Variants in CACNG2 observed in about 807,000 individuals in gnomAD.
CACNG2 encodes the protein calcium voltage-gated channel auxiliary subunit gamma 2.
Under a neutral mutation model 25.9 loss-of-function variants are expected in CACNG2, and 3 were observed. That is an observed-to-expected ratio of 0.12 (90% CI 0.05 to 0.30). CACNG2 has a LOEUF of 0.30. CACNG2 is among the 10% of genes least tolerant of loss of function. The probability of loss-of-function intolerance (pLI) is 1.00; values close to 1 mark genes in which losing one functional copy is unlikely to be tolerated. For missense variants in CACNG2, 341 were observed against 432.5 expected (o/e 0.79, Z 1.88); for synonymous variants, 167 against 173.3 (o/e 0.96, Z 0.29).
At chr22:36,621,935 T>C (rs2267357) in intron 1 of CACNG2, among the ~76,000 whole-genome samples, 13,339 of 152,274 alleles carry the variant, frequency 0.088, 805 homozygotes, top group East Asian at 0.23. Flanking sequence ...TGTTGGTTCA[T>C]GTATCTGCCA....
Position 36,564,682 on chromosome 22 carries a change from G to A in CACNG2, c.641C>T (p.Ala214Val), listed in dbSNP as rs1481852447. Residue 214 changes from alanine to valine, a missense_variant, in exon 4 of 4, where the codon GCC becomes GTC. Ala to Val is a moderately conservative substitution (Grantham distance 64). Around this residue, in one of 2 missense-constraint regions of CACNG2, gnomAD observed 172 missense variants for 178.1 expected, o/e 0.97. Coordinates refer to ENST00000300105, the MANE Select transcript of CACNG2 (RefSeq NM_006078.5). This position sits in a 1 kb window ranked among gnomAD's most constrained non-coding sequence, Gnocchi z 6.7. ...GGCAGAGGCCTGGAGGTAGTCCGTG[G>A]CGCGGGCCGTGGCCCGCAGCTGTTT... ...RHKQLRATAR[A>V]TDYLQASAIT... The A allele has an allele frequency of 1.2e-6, 2 of 1,613,986 alleles. No homozygotes were observed. The highest frequency in any genetic ancestry group is 1.7e-6 in the Non-Finnish European group (2 of 1,180,010).
Position 36,653,647 on chromosome 22 carries a change from C to T in CACNG2, c.211+48719G>A, listed in dbSNP as rs7288942. On this transcript the variant is annotated intron_variant, in intron 1 of 3. Coordinates refer to ENST00000300105, the MANE Select transcript of CACNG2 (RefSeq NM_006078.5). The stretch of plus-strand genomic sequence containing the variant: ...GTAAGAAGAGTTCCAAGGGTTGGGA[C>T]GGGTCAAGGGAGCCAATCTGCAGAG... 1.3e-3 allele frequency among the ~76,000 whole-genome samples: 205 copies of T among 152,104 alleles called. 1 individual carries two copies. The highest frequency in any genetic ancestry group is 3.7e-3 in the South Asian group (18 of 4,814).
At chr22:36,679,152 TCC>T (rs1937054626) in intron 1 of CACNG2, among the ~76,000 whole-genome samples, 1 of 85,536 alleles carries the variant, frequency 1.2e-5, no homozygotes, top group African/African-American at 4.9e-5. Context: ...CTTCCTTCCT[TCC>T]TTCCTTCCTT....
At chr22:36,650,802 G>A (rs1433114821) in intron 1 of CACNG2, among the ~76,000 whole-genome samples, 2 of 152,178 alleles carry the variant, frequency 1.3e-5, no homozygotes, top group Middle Eastern at 3.2e-3. Context: ...TTTTAGGCAT[G>A]AGCCACCGCG....
chr22:36,569,057 C>T (rs999090480), intron 2 of CACNG2, among the ~76,000 whole-genome samples: 2 of 152,136 alleles, frequency 1.3e-5, no homozygotes, highest in Admixed American at 6.5e-5. Context: ...TCCACACCCA[C>T]GCGTGACAGA....
In CACNG2 at chr22:36,648,170, C is replaced by T. The variant is rs139913173; in HGVS notation, c.211+54196G>A. Among the ~76,000 whole-genome samples the T allele has an allele frequency of 4.5e-4, 69 of 152,320 alleles. 1 individual carries two copies. The highest frequency in any genetic ancestry group is 1.5e-3 in the African/African-American group (64 of 41,570). ...AGCTCGACTACCAGCAAGTCCTTCT[C>T]ATCAACCTGAGAAATGATGCAATCT... On this transcript the variant is annotated intron_variant, in intron 1 of 3. Transcript: ENST00000300105.
At chr22:36,661,305 T>C (rs1451645394) in intron 1 of CACNG2, among the ~76,000 whole-genome samples, 4 of 152,216 alleles carry the variant, frequency 2.6e-5, no homozygotes, top group African/African-American at 9.6e-5. Context: ...TGAGATCGCA[T>C]GTTAGATGGA....
chr22:36,670,830 T>G (rs576565192), intron 1 of CACNG2, among the ~76,000 whole-genome samples: 264 of 152,168 alleles, frequency 1.7e-3, no homozygotes, highest in Admixed American at 3.1e-3. Flanking sequence ...TACCTAGTTC[T>G]CTGAAGGGGA....
chr22:36,577,698 G>A (rs1245909362), intron 2 of CACNG2, among the ~76,000 whole-genome samples: 2 of 151,336 alleles, frequency 1.3e-5, no homozygotes. Flanking sequence ...AATAGAAACT[G>A]CCGGCCAGTG....
chr22:36,690,392 T>G, intron 1 of CACNG2, among the ~76,000 whole-genome samples: 1 of 152,188 alleles, frequency 6.6e-6, no homozygotes, highest in Middle Eastern at 3.2e-3. Flanking sequence ...ATGTGGATTT[T>G]TATGGGAAAG....
At chr22:36,673,386 G>T (rs1317238442) in intron 1 of CACNG2, among the ~76,000 whole-genome samples, 2 of 152,126 alleles carry the variant, frequency 1.3e-5, no homozygotes, top group African/African-American at 2.4e-5. Flanking sequence ...ATTGGAAATC[G>T]AATTCTCTGA....
At chr22:36,597,323 C>T (rs780592148) in intron 1 of CACNG2, among the ~76,000 whole-genome samples, 1 of 152,184 alleles carries the variant, frequency 6.6e-6, no homozygotes, top group Non-Finnish European at 1.5e-5. Flanking sequence ...TGTGCCAGGC[C>T]CCTTTAGTTC....
At chr22:36,657,354 G>C (rs1356950824) in intron 1 of CACNG2, among the ~76,000 whole-genome samples, 4 of 152,124 alleles carry the variant, frequency 2.6e-5, no homozygotes, top group Non-Finnish European at 5.9e-5. Context: ...TATAATTTGT[G>C]GTCAGACTTA....
intron 1 of CACNG2, among the ~76,000 whole-genome samples, chr22:36,700,014 G>T (rs545949770): frequency 6.6e-6 from 1 of 152,376 alleles, no homozygotes; most frequent in Admixed American, 6.5e-5. Context: ...AGCCCTTCCT[G>T]CCCTGGCCAT....
chr22:36,678,612 C>A (rs1322889377), intron 1 of CACNG2, among the ~76,000 whole-genome samples: 1 of 151,056 alleles, frequency 6.6e-6, no homozygotes, highest in Non-Finnish European at 1.5e-5. Flanking sequence ...CTTCCCCCAG[C>A]ACATGCGATA....
chr22:36,578,429 C>T (rs549628046), intron 2 of CACNG2, among the ~76,000 whole-genome samples: 3 of 151,156 alleles, frequency 2.0e-5, no homozygotes, highest in Non-Finnish European at 4.4e-5. Context: ...GCCTGGTGGA[C>T]GCCCCTCATG....
intron 1 of CACNG2, among the ~76,000 whole-genome samples, chr22:36,667,988 C>T (rs1936896688): frequency 6.6e-6 from 1 of 152,228 alleles, no homozygotes; most frequent in African/African-American, 2.4e-5. Flanking sequence ...TTGCCTCATG[C>T]TGGGCGCTGT....
rs34224180 is a variant in CACNG2, at chr22:36,579,404, CAAAAAAAAAA to C, written c.295+8051_295+8060del. On this transcript the variant is annotated intron_variant, in intron 2 of 3. Coordinates refer to ENST00000300105, the MANE Select transcript of CACNG2 (RefSeq NM_006078.5). Reference sequence around the variant, plus strand: ...GGGCAACAAAAGTGAAACTCTGTCTCAAAAAAAAAAAAAAAAAAAAAAAAAAGCTGCCGGC... The same window carrying C: ...GGGCAACAAAAGTGAAACTCTGTCTCAAAAAAAAAAAAAAAAGCTGCCGGC... 4.2e-4 allele frequency among the ~76,000 whole-genome samples: 20 copies of C among 47,168 alleles called. No individual in the cohort carries two copies. The South Asian group carries it at 0.022, about 52-fold the overall frequency. 30.9% of individuals were successfully genotyped at this position (47,168 alleles called of 152,430 possible). A position where few individuals can be genotyped will look rare whatever the true frequency, so the allele number is the denominator to read the frequency against.
chr22:36,688,059 T>A (rs1355507446), intron 1 of CACNG2, among the ~76,000 whole-genome samples: 1 of 152,072 alleles, frequency 6.6e-6, no homozygotes, highest in Non-Finnish European at 1.5e-5. Context: ...ACACTCCCAC[T>A]GGTATATAAT....
Sources: gnomAD v4.1 joint callset for allele counts (sites outside exome capture counted in the v4.1 genomes callset) on GRCh38, gnomAD v4.1.1 for gene constraint, gnomAD v4.1.1 regional missense constraint, Gnocchi (gnomAD v3.1) non-coding constraint, MANE v1.5 for transcripts, NCBI Gene and HGNC (gene_info 2026-07-23, HGNC 2026-07-21) for gene names.